The following TROAP variants were observed in gnomAD, a reference collection of about 807,000 sequenced individuals.
The protein encoded by TROAP is trophinin associated protein, also known as tastin.
In TROAP, 62 loss-of-function variants were observed where a neutral mutation model predicts 83.4. That is an observed-to-expected ratio of 0.74 (90% confidence interval 0.61 to 0.92). The LOEUF (loss-of-function observed/expected upper bound fraction) is 0.92, where lower values mean the gene tolerates loss of function less well. Ranked by LOEUF, TROAP falls within the 40% of genes least tolerant of loss-of-function variation. TROAP has a pLI of 0.00. For missense variants in TROAP, 876 were observed against 985.1 expected (o/e 0.89, Z 1.48); for synonymous variants, 352 against 386.4 (o/e 0.91, Z 1.04).
At chr12:49,327,366 G>A (rs1943517553) in intron 8 of TROAP, 36 bp downstream of exon 8, 7 of 1,601,568 alleles carry the variant, frequency 4.4e-6, no homozygotes, top group Non-Finnish European at 6.0e-6. Context: ...TGGGTGGGAG[G>A]TGCAGGAGTT....
chr12:49,330,997 G>A, intron 13 of TROAP, 54 bp downstream of exon 13: 1 of 1,596,616 alleles, frequency 6.3e-7, no homozygotes, highest in Non-Finnish European at 8.5e-7. Context: ...ACCTCACTGT[G>A]AGCTGCACAC....
chr12:49,329,454 G>A lies in TROAP; in HGVS notation c.1164G>A (p.Trp388Ter), dbSNP rs1190743092. The change falls in exon 11 of 15, where the codon TGG becomes TGA. Residue 388 changes from tryptophan to a stop codon, truncating the protein, a stop_gained and splice_region_variant. Coordinates refer to ENST00000257909, the MANE Select transcript of TROAP (RefSeq NM_005480.4). LOFTEE classifies it high-confidence loss of function. The surrounding 1 kb of genome is among the most constrained non-coding windows in gnomAD (Gnocchi z 4.5). ...QSCSEDPALPWEQVAVRLFDQ... is the reference protein window; with the variant it reads ...QSCSEDPALP ...GCTCTGAAGATCCTGCCCTGCCCTG[G>A]GTAAGTATCAGAAGCTTCCCCCTAC... is the stretch of plus-strand genomic sequence containing the variant. 1 of 1,608,328 alleles carries A rather than the reference G, an allele frequency of 6.2e-7. No individual in the cohort carries two copies. The highest frequency in any genetic ancestry group is 1.3e-5 in the African/African-American group (1 of 74,810).
chr12:49,325,814 C>T lies in TROAP; in HGVS notation c.563C>T (p.Ser188Phe). Residue 188 changes from serine (S) to phenylalanine (F), a missense_variant, in exon 5 of 15, where the codon TCC becomes TTC. Around this residue, in one of 3 missense-constraint regions of TROAP, gnomAD observed 689 missense variants for 722.6 expected, o/e 0.95. Transcript: ENST00000257909. The part of the protein sequence containing the change: ...PTHRLDPARA[S>F]CFSRLEGPGP... ...CACCGACTGGACCCTGCCAGGGCTTCCTGCTTCTCTAGGCTGGAGGGACCA... is the reference window on the plus strand; with the variant it reads ...CACCGACTGGACCCTGCCAGGGCTTTCTGCTTCTCTAGGCTGGAGGGACCA... 1 of 1,614,120 alleles carries T rather than the reference C, an allele frequency of 6.2e-7. No individual in the cohort carries two copies. Among genetic ancestry groups the T allele is most frequent in the Admixed American group, 1.7e-5 (1 of 60,016 alleles).
At chr12:49,324,537 T>C (rs2137062017) in intron 3 of TROAP, 1 of 199,042 alleles carries the variant, frequency 5.0e-6, no homozygotes, top group East Asian at 1.2e-4. Context: ...GGGCTTTGTC[T>C]TATTCTTATG....
rs1943544303 is a variant in TROAP, at chr12:49,329,223, A to T, written c.1083A>T (p.Pro361=). The T allele has an allele frequency of 6.2e-7, 1 of 1,614,084 alleles. No individual in the cohort carries two copies. The highest frequency in any genetic ancestry group is 1.7e-5 in the Admixed American group (1 of 59,998). The change falls in exon 10 of 15, where the codon CCA becomes CCT. Residue 361 remains proline (P), a synonymous_variant. Transcript: ENST00000257909. This position sits in a 1 kb window ranked among gnomAD's most constrained non-coding sequence, Gnocchi z 4.5. ...CTAAAACCCGGTTCACACCCATGCC[A>T]TCAACCCCCAGAGTTCAGCAGGTAA... is the stretch of plus-strand genomic sequence containing the variant. ...VQPKTRFTPM[P]STPRVQQAQW...
chr12:49,325,396 A>T, intron 3 of TROAP, 105 bp from the exon 4 acceptor site: 2 of 1,196,254 alleles, frequency 1.7e-6, no homozygotes, highest in Non-Finnish European at 2.3e-6. Context: ...AGCCAAATTC[A>T]ATTGAATGAG....
At chr12:49,327,465 T>A in intron 8 of TROAP, 135 bp downstream of exon 8, 1 of 1,208,028 alleles carries the variant, frequency 8.3e-7, no homozygotes, top group Non-Finnish European at 1.2e-6. Context: ...CTGGGTAGGT[T>A]TACCCCAGAT....
In TROAP at chr12:49,329,074, G is replaced by T. The variant is rs202077256; in HGVS notation, c.1020+19G>T. 9 of 1,612,816 alleles carry T rather than the reference G, an allele frequency of 5.6e-6. No individual in the cohort carries two copies. The highest frequency in any genetic ancestry group is 6.8e-6 in the Non-Finnish European group (8 of 1,179,074). On this transcript the variant is annotated intron_variant, in intron 9 of 14. Transcript: ENST00000257909. This position sits in a 1 kb window ranked among gnomAD's most constrained non-coding sequence, Gnocchi z 4.5. ...AACTCTGGTTTGTGTCAACAACTGG[G>T]GGCTGGGCAGGGGCAGAACAGTCTG... is the stretch of plus-strand genomic sequence containing the variant.
Position 49,329,930 on chromosome 12 carries a change from T to C in TROAP, c.1238T>C (p.Val413Ala). 1 of 1,614,052 alleles carries C rather than the reference T, an allele frequency of 6.2e-7. No individual in the cohort carries two copies. The highest frequency in any genetic ancestry group is 8.5e-7 in the Non-Finnish European group (1 of 1,179,994). The change falls in exon 12 of 15, where the codon GTG becomes GCG. Residue 413 changes from valine to alanine, a missense_variant. By Grantham distance (64) the Val-to-Ala change is moderately conservative. Around this residue, in one of 3 missense-constraint regions of TROAP, gnomAD observed 689 missense variants for 722.6 expected, o/e 0.95. Coordinates refer to ENST00000257909, the MANE Select transcript of TROAP (RefSeq NM_005480.4). The surrounding 1 kb of genome is among the most constrained non-coding windows in gnomAD (Gnocchi z 4.5). The part of the protein sequence containing the change: ...RSLEGSGKPP[V>A]ATPSGPHSNR... Reference sequence around the variant, plus strand: ...CTGGAGGGTTCTGGGAAACCACCGGTGGCCACTCCTTCTGGACCCCACTCT... The same window carrying C: ...CTGGAGGGTTCTGGGAAACCACCGGCGGCCACTCCTTCTGGACCCCACTCT...
At position 49,330,184 on chromosome 12, in the gene TROAP, G is replaced by A. The variant is rs1471557799; in HGVS notation, c.1339G>A (p.Glu447Lys). The change falls in exon 13 of 15, where the codon GAG (glutamate) becomes AAG (lysine). Residue 447 changes from glutamate to lysine, a missense_variant. Glu to Lys is a moderately conservative substitution (Grantham distance 56). Coordinates refer to ENST00000257909, the MANE Select transcript of TROAP (RefSeq NM_005480.4). ...GCAACAGCTGTTGAGACAGGAAGTA[G>A]AGGGGCTGGTAGGGGGCCAGTGTGT... Reference protein sequence around the residue: ...ILQQLLRQEVEGLVGGQCVPL... With the variant: ...ILQQLLRQEVKGLVGGQCVPL... 3.1e-6 allele frequency: 5 copies of A among 1,614,050 alleles called. No homozygotes were observed. In the Admixed American group the frequency reaches 6.7e-5, roughly 22 times the overall value.
In TROAP at chr12:49,325,607, T is replaced by C. The variant is rs1267596714; in HGVS notation, c.444T>C (p.Ala148=). 1 of 1,613,912 alleles carries C rather than the reference T, an allele frequency of 6.2e-7. No individual in the cohort carries two copies. The highest frequency in any genetic ancestry group is 1.3e-5 in the African/African-American group (1 of 74,978). The part of the protein sequence containing the change: ...SCHLGRQPSL[A]KRVLVRGSQG... ...ACCTGGGGCGCCAGCCTAGTCTGGC[T>C]AAAAGAGTACTGGTTCGAGGAAGTC... The change falls in exon 4 of 15, where the codon GCT becomes GCC. Residue 148 remains alanine, a synonymous_variant. Transcript: ENST00000257909.
rs772214672 is a variant in TROAP at position 49,331,301 on chromosome 12, G to C, written c.2186G>C (p.Arg729Pro). The change falls in exon 14 of 15, where the codon CGT (arginine) becomes CCT (proline). Residue 729 changes from arginine to proline, a missense_variant. Arg to Pro is a moderately radical substitution (Grantham distance 103). Coordinates refer to ENST00000257909, the MANE Select transcript of TROAP (RefSeq NM_005480.4). Reference protein sequence around the residue: ...LTAIHCFHEARLDDECAFYTS... With the variant: ...LTAIHCFHEAPLDDECAFYTS... ...GCCATCCACTGCTTCCACGAGGCTC[G>C]TCTGGACGATGAGTGTGCCTTTTAC... is the stretch of plus-strand genomic sequence containing the variant. 1 of 1,614,184 alleles carries C rather than the reference G, an allele frequency of 6.2e-7. No individual in the cohort carries two copies. The highest frequency in any genetic ancestry group is 1.7e-5 in the Admixed American group (1 of 60,022).
rs1274834826 is a variant in TROAP, at chr12:49,330,643, C to A, written c.1798C>A (p.Pro600Thr). ...ESYCRIEPEI[P>T]ESSRQEQLEV... is the part of the protein sequence containing the mutation. ...CTACTGTAGGATTGAGCCTGAGATA[C>A]CGGAGTCCTCTCGCCAGGAACAGCT... Residue 600 changes from proline (P) to threonine (T), a missense_variant, in exon 13 of 15, where the codon CCG becomes ACG. Pro to Thr is a conservative substitution (Grantham distance 38). Transcript: ENST00000257909. The A allele has an allele frequency of 3.1e-6, 5 of 1,614,052 alleles. No individual in the cohort carries two copies. The South Asian group carries it at 4.4e-5, about 14-fold the overall frequency.
intron 3 of TROAP, among the ~76,000 whole-genome samples, chr12:49,325,049 T>C (rs1943476476): frequency 6.6e-6 from 1 of 151,662 alleles, no homozygotes; most frequent in Non-Finnish European, 1.5e-5. Context: ...TAGCTGGTAC[T>C]ACAGGCGCGC....
Position 49,329,371 on chromosome 12 carries a change from G to T in TROAP, c.1105-24G>T, listed in dbSNP as rs532782113. ...GTGCCATCTGTGGGTGTCAGCCCTT[G>T]CTGACATCTCACTTCTGTGCCAGGC... On this transcript the variant is annotated intron_variant, in intron 10 of 14. Coordinates refer to ENST00000257909, the MANE Select transcript of TROAP (RefSeq NM_005480.4). The surrounding 1 kb of genome is among the most constrained non-coding windows in gnomAD (Gnocchi z 4.5). 2.5e-6 allele frequency: 4 copies of T among 1,613,118 alleles called. No homozygotes were observed. The highest frequency in any genetic ancestry group is 3.4e-6 in the Non-Finnish European group (4 of 1,179,488).
intron 8 of TROAP, among the ~76,000 whole-genome samples, chr12:49,328,278 G>A (rs1943529765): frequency 7.3e-6 from 1 of 136,856 alleles, no homozygotes; most frequent in African/African-American, 2.8e-5. Flanking sequence ...AGGCTGGAGT[G>A]CAATGGCACG....
At chr12:49,326,279 G>A (rs1943500015) in intron 6 of TROAP, 121 bp downstream of exon 6, 1 of 985,780 alleles carries the variant, frequency 1.0e-6, no homozygotes, top group African/African-American at 1.6e-5. Context: ...AACTCAGGAG[G>A]GGAAGCAAGA....
chr12:49,326,073 C>G lies in TROAP; in HGVS notation c.634-3C>G. ...GTTTTCATCTCTTGCTCCTGTGGAT[C>G]AGATTTCACCTTCAGGACCTTCCTT... is the stretch of plus-strand genomic sequence containing the variant. On this transcript the variant is annotated splice_region_variant and splice_polypyrimidine_tract_variant and intron_variant, in intron 5 of 14. Coordinates refer to ENST00000257909, the MANE Select transcript of TROAP (RefSeq NM_005480.4). The G allele has an allele frequency of 2.5e-6, 4 of 1,613,638 alleles. No homozygotes were observed. Among genetic ancestry groups the G allele is most frequent in the South Asian group, 1.1e-5 (1 of 91,062 alleles).
rs764103494 is a variant in TROAP, at chr12:49,329,963, C to A, written c.1271C>A (p.Thr424Asn). ...ATPSGPHSNR[T>N]PSLQEVKIQR... Reference sequence around the variant, plus strand: ...CCTTCTGGACCCCACTCTAACAGAACCCCCAGCCTCCAGGAGGTGAAGATT... The same window carrying A: ...CCTTCTGGACCCCACTCTAACAGAAACCCCAGCCTCCAGGAGGTGAAGATT... The change falls in exon 12 of 15, where the codon ACC becomes AAC. Residue 424 changes from threonine (T) to asparagine (N), a missense_variant. Thr to Asn is a moderately conservative substitution (Grantham distance 65, BLOSUM62 0). This residue lies in a region of TROAP where 689 missense variants were observed against 722.6 expected (regional missense o/e 0.95). Coordinates refer to ENST00000257909, the MANE Select transcript of TROAP (RefSeq NM_005480.4). This position sits in a 1 kb window ranked among gnomAD's most constrained non-coding sequence, Gnocchi z 4.5. 3.1e-6 allele frequency: 5 copies of A among 1,613,996 alleles called. No homozygotes were observed. The highest frequency in any genetic ancestry group is 4.2e-6 in the Non-Finnish European group (5 of 1,180,014).
Sources: allele counts gnomAD v4.1 joint callset (sites outside exome capture counted in the v4.1 genomes callset), GRCh38; gene constraint gnomAD v4.1.1; regional missense constraint gnomAD v4.1.1; non-coding constraint Gnocchi (gnomAD v3.1); transcripts MANE v1.5; gene names NCBI Gene and HGNC (gene_info 2026-07-23, HGNC 2026-07-21).